EPHA3: variants seen among roughly 807,000 people sequenced by gnomAD.
The protein encoded by EPHA3 is EPH receptor A3.
EPHA3 carries 42 observed loss-of-function variants against 107.1 expected under a neutral mutation model. The ratio of observed to expected loss-of-function variants is 0.39; its 90% confidence interval spans 0.31 to 0.51. The LOEUF (loss-of-function observed/expected upper bound fraction) is 0.51. Ranked by LOEUF, EPHA3 falls within the 20% of genes least tolerant of loss-of-function variation. The pLI is 0.78. For synonymous variants in EPHA3, 461 were observed against 424.8 expected, an observed-to-expected ratio of 1.09 and a Z score of -1.05; for missense variants, 1,183 against 1,211.2, an observed-to-expected ratio of 0.98 and a Z score of 0.35.
At chr3:89,253,072 G>A (rs1277193393) in intron 3 of EPHA3, among the ~76,000 whole-genome samples, 1 of 151,886 alleles carries the variant, frequency 6.6e-6, no homozygotes, top group Non-Finnish European at 1.5e-5. Context: ...TTGACAAGTG[G>A]GGAGGTGAAA....
chr3:89,146,140 C>A (rs1198724609), intron 2 of EPHA3, among the ~76,000 whole-genome samples: 1 of 151,764 alleles, frequency 6.6e-6, no homozygotes, highest in Non-Finnish European at 1.5e-5. Context: ...ATGATGAAAT[C>A]TCTCTCTGTC....
At chr3:89,334,080 T>C (rs569929316) in intron 3 of EPHA3, among the ~76,000 whole-genome samples, 1 of 152,184 alleles carries the variant, frequency 6.6e-6, no homozygotes, top group South Asian at 2.1e-4. Context: ...ATTCACAAAC[T>C]TCCAAACATT....
At chr3:89,126,454 T>TA (rs1246479260) in intron 1 of EPHA3, among the ~76,000 whole-genome samples, 1 of 151,728 alleles carries the variant, frequency 6.6e-6, no homozygotes, top group African/African-American at 2.4e-5. Flanking sequence ...AATAATATAT[T>TA]AAAAATGCAA....
intron 1 of EPHA3, among the ~76,000 whole-genome samples, chr3:89,113,512 AAG>A (rs1553702906): frequency 3.5e-4 from 52 of 149,366 alleles, no homozygotes; most frequent in African/African-American, 1.3e-3. Context: ...AAAAAAAAAA[AAG>A]AGGGGAGGGT....
intron 3 of EPHA3, among the ~76,000 whole-genome samples, chr3:89,255,315 C>T (rs1018233767): frequency 4.6e-5 from 7 of 152,008 alleles, no homozygotes; most frequent in Non-Finnish European, 8.8e-5. Context: ...CTCTGGTTTC[C>T]TATATCATGG....
intron 10 of EPHA3, among the ~76,000 whole-genome samples, chr3:89,413,561 A>C (rs1445481441): frequency 6.6e-6 from 1 of 151,744 alleles, no homozygotes; most frequent in East Asian, 1.9e-4. Flanking sequence ...TGGCTAAATA[A>C]GGATAACTGG....
intron 2 of EPHA3, among the ~76,000 whole-genome samples, chr3:89,198,390 C>G (rs1267666033): frequency 6.6e-6 from 1 of 151,394 alleles, no homozygotes; most frequent in African/African-American, 2.4e-5. Flanking sequence ...TAAATTAAAT[C>G]ATACTCTATT....
At chr3:89,261,616 T>C (rs1705418872) in intron 3 of EPHA3, among the ~76,000 whole-genome samples, 1 of 152,108 alleles carries the variant, frequency 6.6e-6, no homozygotes. Flanking sequence ...TAAATATATC[T>C]TAAATAAATG....
At chr3:89,213,687 C>G (rs1704160183) in intron 3 of EPHA3, among the ~76,000 whole-genome samples, 1 of 151,864 alleles carries the variant, frequency 6.6e-6, no homozygotes, top group South Asian at 2.1e-4. Flanking sequence ...TCAATTGTTT[C>G]TAGATTAATA....
intron 13 of EPHA3, among the ~76,000 whole-genome samples, 157 bp downstream of exon 13, chr3:89,431,516 G>A (rs1318663156): frequency 6.6e-6 from 1 of 151,932 alleles, no homozygotes; most frequent in Non-Finnish European, 1.5e-5. Flanking sequence ...TATTTATTCT[G>A]GGTAAATAGA....
At chr3:89,151,357 C>G (rs1158383226) in intron 2 of EPHA3, among the ~76,000 whole-genome samples, 1 of 152,044 alleles carries the variant, frequency 6.6e-6, no homozygotes, top group Non-Finnish European at 1.5e-5. Flanking sequence ...CAGCTTCTAT[C>G]AAATTGAAGT....
chr3:89,239,115 G>GA (rs1214039461), intron 3 of EPHA3, among the ~76,000 whole-genome samples: 1 of 152,070 alleles, frequency 6.6e-6, no homozygotes, highest in African/African-American at 2.4e-5. Context: ...GTCCTTCTAG[G>GA]CTTTGTAGCT....
At chr3:89,211,838 C>G (rs1031569191) in intron 3 of EPHA3, among the ~76,000 whole-genome samples, 1 of 147,680 alleles carries the variant, frequency 6.8e-6, no homozygotes, top group Non-Finnish European at 1.5e-5. Flanking sequence ...TCCTCCTCCT[C>G]TTTCTTTTGG....
intron 3 of EPHA3, among the ~76,000 whole-genome samples, chr3:89,322,313 C>T (rs993471727): frequency 6.6e-6 from 1 of 151,922 alleles, no homozygotes; most frequent in Non-Finnish European, 1.5e-5. Flanking sequence ...ATACTTATGC[C>T]CTAGGATTTG....
At chr3:89,167,588 T>A (rs1251319149) in intron 2 of EPHA3, among the ~76,000 whole-genome samples, 2 of 152,126 alleles carry the variant, frequency 1.3e-5, no homozygotes, top group Admixed American at 1.3e-4. Context: ...TCCTGACATC[T>A]GTGAATTTAA....
chr3:89,431,769 A>G (rs1410618710), intron 13 of EPHA3, among the ~76,000 whole-genome samples: 8 of 152,182 alleles, frequency 5.3e-5, no homozygotes, highest in Non-Finnish European at 1.2e-4. Context: ...ATACCTATTT[A>G]TACTGTAAAA....
intron 3 of EPHA3, among the ~76,000 whole-genome samples, chr3:89,300,749 G>A (rs1470377653): frequency 6.6e-6 from 1 of 151,972 alleles, no homozygotes; most frequent in East Asian, 1.9e-4. Context: ...TCACTATAGT[G>A]TCTGCCATTT....
intron 5 of EPHA3, among the ~76,000 whole-genome samples, chr3:89,388,714 C>T (rs1005626895): frequency 1.3e-5 from 2 of 152,074 alleles, no homozygotes; most frequent in Admixed American, 6.5e-5. Context: ...ATTTTGTATC[C>T]TACTGTAGTC....
At chr3:89,337,012 T>G (rs2107409794) in intron 3 of EPHA3, among the ~76,000 whole-genome samples, 1 of 150,456 alleles carries the variant, frequency 6.6e-6, no homozygotes, top group South Asian at 2.1e-4. Flanking sequence ...ATCATGCCTC[T>G]GCACTCCAAC....
Sources: allele counts gnomAD v4.1 joint callset (sites outside exome capture counted in the v4.1 genomes callset), GRCh38; gene constraint gnomAD v4.1.1; transcripts MANE v1.5; gene names NCBI Gene and HGNC (gene_info 2026-07-23, HGNC 2026-07-21).